FAM13C: variants seen among roughly 807,000 people sequenced by gnomAD.
FAM13C encodes family with sequence similarity 13 member C.
A neutral mutation model predicts 73.2 loss-of-function variants in FAM13C; 37 were observed. The ratio of observed to expected loss-of-function variants is 0.51; its 90% CI spans 0.39 to 0.67. FAM13C has a LOEUF of 0.67. FAM13C is among the 30% of genes least tolerant of loss of function. The probability of loss-of-function intolerance (pLI) is 0.00; values close to 1 mark genes in which losing one functional copy is unlikely to be tolerated. For synonymous variants in FAM13C, 246 were observed against 260.9 expected (o/e 0.94, Z 0.55); for missense variants, 589 against 715.6 (o/e 0.82, Z 2.02).
At chr10:59,314,708 G>T (rs1849322542) in intron 4 of FAM13C, among the ~76,000 whole-genome samples, 1 of 152,192 alleles carries the variant, frequency 6.6e-6, no homozygotes, top group Non-Finnish European at 1.5e-5. Flanking sequence ...ACTTAAATGG[G>T]TCTTGATATT....
At chr10:59,266,542 C>T (rs926221779) in intron 8 of FAM13C, among the ~76,000 whole-genome samples, 1 of 152,158 alleles carries the variant, frequency 6.6e-6, no homozygotes, top group African/African-American at 2.4e-5. Flanking sequence ...GAAGGAAAAG[C>T]GTTTCCTGAG....
At chr10:59,314,055 A>G (rs1390563336) in intron 4 of FAM13C, among the ~76,000 whole-genome samples, 1 of 152,170 alleles carries the variant, frequency 6.6e-6, no homozygotes, top group Non-Finnish European at 1.5e-5. Context: ...TACATTGAAC[A>G]TGTTCTAACT....
chr10:59,283,303 G>A, intron 6 of FAM13C, 60 bp downstream of exon 6: 1 of 1,555,250 alleles, frequency 6.4e-7, no homozygotes, highest in Non-Finnish European at 8.9e-7. Context: ...GTGTGAACCA[G>A]CAAGAGACTG....
intron 1 of FAM13C, chr10:59,360,919 C>T (rs1856322243): frequency 6.7e-6 from 4 of 596,548 alleles, no homozygotes; most frequent in Middle Eastern, 3.2e-4. Flanking sequence ...CCATTTTGAA[C>T]CTGCCGTGCC....
chr10:59,263,289 A>C (rs1429733300), intron 9 of FAM13C, among the ~76,000 whole-genome samples: 1 of 152,178 alleles, frequency 6.6e-6, no homozygotes, highest in Non-Finnish European at 1.5e-5. Context: ...TGGTTGTTTG[A>C]ATGAGGCATT....
intron 1 of FAM13C, chr10:59,361,231 TC>T: frequency 2.0e-6 from 1 of 502,682 alleles, no homozygotes; most frequent in Non-Finnish European, 3.2e-6. Flanking sequence ...TTTAAGTGAC[TC>T]CACTTAAGTC....
At chr10:59,290,755 C>G (rs1253234005) in intron 5 of FAM13C, among the ~76,000 whole-genome samples, 1 of 152,176 alleles carries the variant, frequency 6.6e-6, no homozygotes, top group Admixed American at 6.5e-5. Context: ...CACCGTACCT[C>G]CATTGTTTAC....
intron 3 of FAM13C, among the ~76,000 whole-genome samples, chr10:59,339,507 T>C (rs927969128): frequency 1.3e-5 from 2 of 152,160 alleles, no homozygotes; most frequent in Non-Finnish European, 2.9e-5. Flanking sequence ...AAACCTCCTG[T>C]CTAGCTTCCA....
chr10:59,266,495 A>C (rs913573839), intron 8 of FAM13C, among the ~76,000 whole-genome samples: 1 of 152,290 alleles, frequency 6.6e-6, no homozygotes, highest in Non-Finnish European at 1.5e-5. Flanking sequence ...GCCCACTGAC[A>C]TGTCAAACCT....
At chr10:59,281,923 T>C (rs912699146) in intron 6 of FAM13C, among the ~76,000 whole-genome samples, 5 of 152,242 alleles carry the variant, frequency 3.3e-5, no homozygotes, top group African/African-American at 9.6e-5. Flanking sequence ...TTTATGTGTT[T>C]TGTATTAAAT....
intron 3 of FAM13C, among the ~76,000 whole-genome samples, chr10:59,324,925 G>T (rs886310071): frequency 6.6e-6 from 1 of 152,016 alleles, no homozygotes; most frequent in Non-Finnish European, 1.5e-5. Context: ...AACTAATCTG[G>T]ATTCAACACA....
intron 1 of FAM13C, among the ~76,000 whole-genome samples, chr10:59,359,512 G>A (rs1186905470): frequency 2.0e-5 from 3 of 152,226 alleles, no homozygotes; most frequent in South Asian, 2.1e-4. Context: ...CAAAGTTGCA[G>A]AGGTACAGCC....
chr10:59,347,814 A>G (rs1854514827), intron 3 of FAM13C, among the ~76,000 whole-genome samples: 1 of 151,976 alleles, frequency 6.6e-6, no homozygotes, highest in African/African-American at 2.4e-5. Flanking sequence ...GCTGAGAATG[A>G]TGGTTTCCAG....
intron 3 of FAM13C, among the ~76,000 whole-genome samples, chr10:59,344,808 C>G (rs1268359134): frequency 6.6e-6 from 1 of 152,132 alleles, no homozygotes; most frequent in Non-Finnish European, 1.5e-5. Flanking sequence ...TACCACATCA[C>G]TAAACTGATA....
chr10:59,318,385 G>A (rs908944733), intron 4 of FAM13C, among the ~76,000 whole-genome samples: 13 of 152,072 alleles, frequency 8.5e-5, no homozygotes, highest in African/African-American at 3.1e-4. Context: ...TACAGCAGGG[G>A]AGGGGGAATT....
chr10:59,292,084 G>A (rs1418928518), intron 5 of FAM13C, among the ~76,000 whole-genome samples: 1 of 152,102 alleles, frequency 6.6e-6, no homozygotes, highest in East Asian at 1.9e-4. Flanking sequence ...CACTGCGCCT[G>A]ACCTATAAAC....
In FAM13C at chr10:59,254,343, C is replaced by T. The variant is rs1841719619; in HGVS notation, c.1332+5G>A. The stretch of plus-strand genomic sequence containing the variant: ...AAGTAACAGCATGCAAGTATCCTGA[C>T]TTACAATTGTTGGAATAAGGGAAGG... On this transcript the variant is annotated splice_donor_5th_base_variant and intron_variant, in intron 11 of 13. Transcript: ENST00000618804. The T allele has an allele frequency of 2.0e-6, 3 of 1,535,564 alleles. No individual in the cohort carries two copies. Among genetic ancestry groups the T allele is most frequent in the Admixed American group, 1.9e-5 (1 of 52,970 alleles).
chr10:59,286,924 C>T (rs1845640926), intron 5 of FAM13C, among the ~76,000 whole-genome samples: 1 of 149,388 alleles, frequency 6.7e-6, no homozygotes, highest in African/African-American at 2.5e-5. Context: ...ATCCCAGCTA[C>T]TTAGGAGGCT....
At position 59,352,417 on chromosome 10, in the gene FAM13C, C is replaced by A. The variant is rs550474887; in HGVS notation, c.177G>T (p.Ala59=). 3 of 1,613,778 alleles carry A rather than the reference C, an allele frequency of 1.9e-6. No individual in the cohort carries two copies. The highest frequency in any genetic ancestry group is 2.7e-5 in the African/African-American group (2 of 75,030). The change falls in exon 3 of 14, where the codon GCG becomes GCT. Residue 59 remains alanine, a synonymous_variant. Transcript: ENST00000618804. ...PDAGALVEEH[A]PPSWEPQQQN... ...GCTGCTGCGGCTCCCAAGAGGGCGGCGCGTGCTCTTCTACCAGAGCCCCTG... is the reference window on the plus strand; with the variant it reads ...GCTGCTGCGGCTCCCAAGAGGGCGGAGCGTGCTCTTCTACCAGAGCCCCTG...
Sources: allele counts gnomAD v4.1 joint callset (sites outside exome capture counted in the v4.1 genomes callset), GRCh38; gene constraint gnomAD v4.1.1; transcripts MANE v1.5; gene names NCBI Gene and HGNC (gene_info 2026-07-23, HGNC 2026-07-21).